RTEL1: variants seen among roughly 807,000 people sequenced by gnomAD.
RTEL1 encodes the protein regulator of telomere elongation helicase 1, also known as regulator of telomere length.
In RTEL1, 86 loss-of-function variants were observed where a neutral mutation model predicts 162.2. The observed-to-expected ratio is 0.53, with a 90% CI of 0.45 to 0.63. The LOEUF (loss-of-function observed/expected upper bound fraction) is 0.63, where lower values mean the gene tolerates loss of function less well. RTEL1 is among the 30% of genes least tolerant of loss of function. The pLI is 0.00. For synonymous variants in RTEL1, 958 were observed against 717.9 expected (o/e 1.33, Z -5.35); for missense variants, 1,941 against 1,750.2 (o/e 1.11, Z -1.95).
chr20:63,693,450 A>ACCACCTCCACCTCCACCACCT (rs2090828524), intron 30 of RTEL1, among the ~76,000 whole-genome samples, 167 bp downstream of exon 30: 2 of 81,436 alleles, frequency 2.5e-5, no homozygotes, highest in African/African-American at 1.2e-4. Flanking sequence ...CACCAGCAGC[A>ACCACCTCCACCTCCACCACCT]CCACCTCCAC....
chr20:63,694,495 G>A lies in RTEL1; in HGVS notation c.3109+7G>A, dbSNP rs1199617012. The stretch of plus-strand genomic sequence containing the variant: ...CCCAGGCCACCCCCAACAGGTAGCT[G>A]ACTCCTGAACCGTGTGCAGCCTACG... On this transcript the variant is annotated splice_region_variant and intron_variant, in intron 31 of 34. Transcript: ENST00000360203. 2.5e-6 allele frequency: 4 copies of A among 1,588,344 alleles called. No individual in the cohort carries two copies. Among genetic ancestry groups the A allele is most frequent in the African/African-American group, 2.7e-5 (2 of 74,466 alleles).
At chr20:63,662,792 C>T (rs367716986) in intron 5 of RTEL1, 37 bp from the exon 6 acceptor site, 108 of 1,612,184 alleles carry the variant, frequency 6.7e-5, no homozygotes, top group Middle Eastern at 1.6e-4. Flanking sequence ...CTTTCTTGGC[C>T]GTGCTTCAGC....
At chr20:63,693,336 G>A in intron 30 of RTEL1, 53 bp downstream of exon 30, 1 of 1,603,736 alleles carries the variant, frequency 6.2e-7, no homozygotes, top group Non-Finnish European at 8.5e-7. Context: ...AGGCAGTGTG[G>A]GCCAGAGTCC....
intron 14 of RTEL1, chr20:63,681,214 T>C (rs2090471760): frequency 2.0e-6 from 2 of 985,440 alleles, no homozygotes; most frequent in South Asian, 4.7e-5. Flanking sequence ...CGTCCTGTCC[T>C]GCAATGCCCG....
rs536140437 is a variant in RTEL1 at position 63,694,310 on chromosome 20, C to A, written c.2993-62C>A. 4.6e-5 allele frequency: 49 copies of A among 1,053,844 alleles called. No homozygotes were observed. In the East Asian group the frequency reaches 4.8e-4, roughly 10 times the overall value. 65.3% of individuals were successfully genotyped at this position (1,053,844 alleles called of 1,614,324 possible). A position where few individuals can be genotyped will look rare whatever the true frequency, so the allele number is the denominator to read the frequency against. On this transcript the variant is annotated intron_variant, in intron 30 of 34. Transcript: ENST00000360203. Reference sequence around the variant, plus strand: ...GGCCTCCCTAGCCAGCCCTGCCCCCCCACCCCAGGGAACTTTCCAGATGCT... The same window carrying A: ...GGCCTCCCTAGCCAGCCCTGCCCCCACACCCCAGGGAACTTTCCAGATGCT...
chr20:63,695,159 C>T lies in RTEL1; in HGVS notation c.3437C>T (p.Pro1146Leu), dbSNP rs749331637. 23 of 1,612,256 alleles carry T rather than the reference C, an allele frequency of 1.4e-5. No homozygotes were observed. The highest frequency in any genetic ancestry group is 4.0e-5 in the African/African-American group (3 of 74,928). The change falls in exon 33 of 35, where the codon CCG (proline) becomes CTG (leucine). Residue 1146 changes from proline (P) to leucine (L), a missense_variant. Coordinates refer to ENST00000360203, the MANE Select transcript of RTEL1 (RefSeq NM_001283009.2). ...TGRPYPGMEP[P>L]GPQEERLAVP... ...CGGCCCTACCCGGGCATGGAGCCAC[C>T]GGGACCCCAGGAGGAGAGGCTTGCC...
intron 10 of RTEL1, 43 bp from the exon 11 acceptor site, chr20:63,678,102 C>G (rs772385439): frequency 2.5e-6 from 4 of 1,612,776 alleles, no homozygotes; most frequent in Non-Finnish European, 3.4e-6. Context: ...GTTGTTGGCA[C>G]GAGCGTGATG....
At chr20:63,672,166 G>A (rs928834945) in intron 8 of RTEL1, among the ~76,000 whole-genome samples, 4 of 152,202 alleles carry the variant, frequency 2.6e-5, no homozygotes, top group African/African-American at 7.2e-5. Flanking sequence ...ACAGGCGTGA[G>A]CCACCGCGCC....
rs760615985 is a variant in RTEL1, at chr20:63,672,639, T to G, written c.765+18T>G. On this transcript the variant is annotated intron_variant, in intron 9 of 34. Coordinates refer to ENST00000360203, the MANE Select transcript of RTEL1 (RefSeq NM_001283009.2). ...ACAACGTGGTGAGTCTCCGCTGGCC[T>G]CCTAAACACCTCCTATTGCTTCTGG... 6 of 1,564,556 alleles carry G rather than the reference T, an allele frequency of 3.8e-6. No homozygotes were observed. The African/African-American group carries it at 6.7e-5, about 18-fold the overall frequency.
Position 63,689,645 on chromosome 20 carries a change from C to T in RTEL1, c.2022C>T (p.Gly674=), listed in dbSNP as rs566690834. The change falls in exon 23 of 35, where the codon GGC becomes GGT. Residue 674 remains glycine, a synonymous_variant. Transcript: ENST00000360203. ...DEMKGQGGAG[G]QFLSGQEWYR... The stretch of plus-strand genomic sequence containing the variant: ...TGAAGGGCCAGGGTGGGGCTGGGGG[C>T]CAGGTGAGTTACAGCAGGGTGGGGC... 1.8e-5 allele frequency: 29 copies of T among 1,608,278 alleles called. No individual in the cohort carries two copies. The South Asian group carries it at 3.1e-4, about 17-fold the overall frequency.
intron 31 of RTEL1, 64 bp downstream of exon 31, chr20:63,694,552 C>T: frequency 1.4e-6 from 2 of 1,391,572 alleles, no homozygotes; most frequent in Non-Finnish European, 1.0e-6. Flanking sequence ...CTTCACGAGG[C>T]TAACTCTTGA....
Position 63,688,624 on chromosome 20 carries a change from C to T in RTEL1, c.1800+19C>T. On this transcript the variant is annotated intron_variant, in intron 21 of 34. Coordinates refer to ENST00000360203, the MANE Select transcript of RTEL1 (RefSeq NM_001283009.2). ...CTCCGAGGTCGGCACTTGGCCGGGG[C>T]TCTGGGCCTGCTGCCCCCTCGTGCC... 6.3e-7 allele frequency: 1 copy of T among 1,593,184 alleles called. No homozygotes were observed.
At chr20:63,688,721 C>A (rs2090653594) in intron 21 of RTEL1, 116 bp downstream of exon 21, 5 of 857,758 alleles carry the variant, frequency 5.8e-6, no homozygotes, top group Non-Finnish European at 8.9e-6. Flanking sequence ...CTCCCGCTGC[C>A]TCTTCAGGGC....
chr20:63,662,348 A>G lies in RTEL1; in HGVS notation c.396-198A>G, dbSNP rs138383590. The G allele has an allele frequency of 2.2e-3, 2,244 of 1,019,196 alleles. 3 individuals carry two copies. Among genetic ancestry groups the G allele is most frequent in the Admixed American group, 4.5e-3 (223 of 49,666 alleles). 63.1% of individuals were successfully genotyped at this position (1,019,196 alleles called of 1,614,324 possible). On this transcript the variant is annotated intron_variant, in intron 4 of 34. Transcript: ENST00000360203. The stretch of plus-strand genomic sequence containing the variant: ...CGGACCAGTGGCAGGGTGCTGTGGA[A>G]GCTGTCGAATCTCCTCCCTCTGTCC...
rs1426638452 is a variant in RTEL1, at chr20:63,693,300, G to T, written c.2992+17G>T. 2.5e-6 allele frequency: 4 copies of T among 1,610,934 alleles called. No homozygotes were observed. The highest frequency in any genetic ancestry group is 1.7e-5 in the Admixed American group (1 of 59,910). ...ACCCCACTGGTAAATGGGGCCCCAG[G>T]TGGGACCCTCAGACTCCTGCGTGGA... On this transcript the variant is annotated intron_variant, in intron 30 of 34. Coordinates refer to ENST00000360203, the MANE Select transcript of RTEL1 (RefSeq NM_001283009.2).
Position 63,693,380 on chromosome 20 carries a change from C to T in RTEL1, c.2992+97C>T, listed in dbSNP as rs1026069218. ...TTGGGGTGGGCATCCTCGGGCCCTG[C>T]TTGGCCCCGCCTCTCTGTTCCCCTA... On this transcript the variant is annotated intron_variant, in intron 30 of 34. Transcript: ENST00000360203. 10 of 1,454,612 alleles carry T rather than the reference C, an allele frequency of 6.9e-6. No individual in the cohort carries two copies. The African/African-American group carries it at 8.4e-5, about 12-fold the overall frequency. 90.1% of individuals were successfully genotyped at this position (1,454,612 alleles called of 1,614,324 possible). A position where few individuals can be genotyped will look rare whatever the true frequency, so the allele number is the denominator to read the frequency against.
upstream of RTEL1, chr20:63,658,263 G>C (rs2089949004): frequency 6.6e-6 from 1 of 152,368 alleles, no homozygotes; most frequent in South Asian, 2.1e-4. Context: ...CCTCCGCGGG[G>C]GAACAGTTTC....
At position 63,661,467 on chromosome 20, in the gene RTEL1, A is replaced by G. The variant is rs941773443; in HGVS notation, c.272A>G (p.Asn91Ser). The G allele has an allele frequency of 6.2e-7, 1 of 1,612,736 alleles. No homozygotes were observed. The highest frequency in any genetic ancestry group is 1.3e-5 in the African/African-American group (1 of 74,992). The change falls in exon 3 of 35, where the codon AAC (asparagine) becomes AGC (serine). Residue 91 changes from asparagine to serine, a missense_variant. Coordinates refer to ENST00000360203, the MANE Select transcript of RTEL1 (RefSeq NM_001283009.2). This position sits in a 1 kb window ranked among gnomAD's most constrained non-coding sequence, Gnocchi z 5.1. ...FPDRALSSWG[N>S]AAAAAGDPIA... ...GATCGGGCCTTGTCATCCTGGGGCA[A>G]CGCTGCTGCTGCTGCTGGAGACCCC...
intron 30 of RTEL1, among the ~76,000 whole-genome samples, chr20:63,693,528 TCCACCACCACCA>T (rs1568720636): frequency 0.012 from 39 of 3,154 alleles, 2 homozygotes; most frequent in Middle Eastern, 0.083. Flanking sequence ...CACCACCACC[TCCACCACCACCA>T]CCACCACCAC....
Sources: gnomAD v4.1 joint callset for allele counts (sites outside exome capture counted in the v4.1 genomes callset) on GRCh38, gnomAD v4.1.1 for gene constraint, Gnocchi (gnomAD v3.1) non-coding constraint, MANE v1.5 for transcripts, NCBI Gene and HGNC (gene_info 2026-07-23, HGNC 2026-07-21) for gene names.